MACROD2: variants seen among roughly 807,000 people sequenced by gnomAD.
The protein encoded by MACROD2 is ADP-ribose glycohydrolase MACROD2.
Under a neutral mutation model 70.4 loss-of-function variants are expected in MACROD2, and 36 were observed. The observed-to-expected ratio is 0.51, with a 90% CI of 0.39 to 0.68. The LOEUF (loss-of-function observed/expected upper bound fraction) is 0.68, where lower values mean the gene tolerates loss of function less well. MACROD2 is among the 30% of genes least tolerant of loss of function. The pLI is 0.00. For synonymous variants in MACROD2, 172 were observed against 178.8 expected (o/e 0.96, Z 0.30); for missense variants, 496 against 538.4 (o/e 0.92, Z 0.78).
intron 4 of MACROD2, among the ~76,000 whole-genome samples, chr20:14,534,537 A>G (rs918875017): frequency 6.6e-6 from 1 of 152,218 alleles, no homozygotes; most frequent in African/African-American, 2.4e-5. Flanking sequence ...AATCTCGTTG[A>G]TCAAGAGTGT....
At chr20:16,022,590 G>C (rs909620249) in intron 15 of MACROD2, among the ~76,000 whole-genome samples, 3 of 152,124 alleles carry the variant, frequency 2.0e-5, no homozygotes, top group African/African-American at 7.2e-5. Flanking sequence ...TGTACAGCTG[G>C]TAAGATGTCT....
chr20:15,347,535 A>G lies in MACROD2; in HGVS notation c.541-83870A>G, dbSNP rs149189990. Reference sequence around the variant, plus strand: ...CCACTTGTACTGAATGCTTGACTACACTTTCCCATGGTACACATCATCATT... The same window carrying G: ...CCACTTGTACTGAATGCTTGACTACGCTTTCCCATGGTACACATCATCATT... On this transcript the variant is annotated intron_variant, in intron 6 of 17. Coordinates refer to ENST00000684519, the MANE Select transcript of MACROD2 (RefSeq NM_001351661.2). Among the ~76,000 whole-genome samples, 788 of 152,230 alleles carry G rather than the reference A, an allele frequency of 5.2e-3. 2 individuals carry two copies. The highest frequency in any genetic ancestry group is 0.021 in the Middle Eastern group (6 of 292).
Position 15,789,912 on chromosome 20 carries a change from G to A in MACROD2, c.646-72833G>A, listed in dbSNP as rs530318072. The stretch of plus-strand genomic sequence containing the variant: ...TGATTCTACAGAAGAGATGAAACTC[G>A]TTGATGAATAACTATGAAAATTATA... On this transcript the variant is annotated intron_variant, in intron 8 of 17. Coordinates refer to ENST00000684519, the MANE Select transcript of MACROD2 (RefSeq NM_001351661.2). 4.9e-4 allele frequency among the ~76,000 whole-genome samples: 75 copies of A among 152,084 alleles called. 1 individual carries two copies. The highest frequency in any genetic ancestry group is 7.7e-4 in the East Asian group (4 of 5,184).
At chr20:15,451,839 G>A (rs998355481) in intron 7 of MACROD2, among the ~76,000 whole-genome samples, 3 of 152,116 alleles carry the variant, frequency 2.0e-5, no homozygotes, top group African/African-American at 4.8e-5. Context: ...GATCCAGTAA[G>A]GCCTTCCTTG....
chr20:14,196,222 C>CT (rs1229102057), intron 3 of MACROD2, among the ~76,000 whole-genome samples: 2 of 152,148 alleles, frequency 1.3e-5, no homozygotes, highest in African/African-American at 4.8e-5. Flanking sequence ...CTTCCTTGTA[C>CT]TTTAAGATTT....
intron 5 of MACROD2, among the ~76,000 whole-genome samples, chr20:14,777,858 A>G (rs2072253291): frequency 6.6e-6 from 1 of 152,134 alleles, no homozygotes; most frequent in African/African-American, 2.4e-5. Flanking sequence ...TTTAGCAATG[A>G]GGAGAAAAAT....
chr20:14,064,581 A>G (rs117860256), intron 2 of MACROD2, among the ~76,000 whole-genome samples: 37 of 152,230 alleles, frequency 2.4e-4, no homozygotes, highest in Non-Finnish European at 5.0e-4. Context: ...TTTATTAAAT[A>G]TGCCTCGAGT....
intron 5 of MACROD2, among the ~76,000 whole-genome samples, chr20:15,132,537 G>A (rs1390555341): frequency 6.6e-6 from 1 of 151,552 alleles, no homozygotes; most frequent in Non-Finnish European, 1.5e-5. Context: ...CTTTTATATA[G>A]CCCAAAAAGG....
intron 5 of MACROD2, among the ~76,000 whole-genome samples, chr20:14,834,706 C>T (rs1329114230): frequency 6.6e-6 from 1 of 151,958 alleles, no homozygotes; most frequent in Non-Finnish European, 1.5e-5. Context: ...GTTGAAATTA[C>T]TTTATTCTAT....
At chr20:15,807,200 C>T (rs946135707) in intron 8 of MACROD2, among the ~76,000 whole-genome samples, 5 of 152,232 alleles carry the variant, frequency 3.3e-5, no homozygotes, top group Non-Finnish European at 7.3e-5. Flanking sequence ...CCACCAATAA[C>T]CAAGCTCCAA....
At chr20:15,661,173 G>A (rs1452853205) in intron 8 of MACROD2, among the ~76,000 whole-genome samples, 1 of 152,100 alleles carries the variant, frequency 6.6e-6, no homozygotes, top group Non-Finnish European at 1.5e-5. Flanking sequence ...ACATTAGGGG[G>A]TAAGGCAACT....
chr20:15,938,378 C>G (rs2065698868), intron 12 of MACROD2, among the ~76,000 whole-genome samples: 1 of 152,164 alleles, frequency 6.6e-6, no homozygotes, highest in Non-Finnish European at 1.5e-5. Flanking sequence ...ACAGCATGTG[C>G]TCATTTCATG....
intron 8 of MACROD2, among the ~76,000 whole-genome samples, chr20:15,819,600 A>C (rs1458969612): frequency 6.6e-6 from 1 of 151,372 alleles, no homozygotes; most frequent in African/African-American, 2.4e-5. Context: ...AAATGGAAGG[A>C]GATCCTGCCA....
chr20:14,876,801 T>C (rs2073556095), intron 5 of MACROD2, among the ~76,000 whole-genome samples: 1 of 152,148 alleles, frequency 6.6e-6, no homozygotes, highest in African/African-American at 2.4e-5. Context: ...CTGGGTTGTC[T>C]GTTTTGTTTC....
intron 2 of MACROD2, among the ~76,000 whole-genome samples, chr20:14,073,581 C>T (rs1049383593): frequency 3.3e-5 from 5 of 152,082 alleles, no homozygotes; most frequent in Non-Finnish European, 5.9e-5. Context: ...ACATTATTAT[C>T]CATTTTCTGC....
intron 8 of MACROD2, among the ~76,000 whole-genome samples, chr20:15,546,476 G>A (rs1214748341): frequency 6.6e-6 from 1 of 152,174 alleles, no homozygotes; most frequent in East Asian, 1.9e-4. Flanking sequence ...TTGATTTCAA[G>A]ATATCTCAAT....
chr20:14,896,972 G>A (rs922059252), intron 5 of MACROD2, among the ~76,000 whole-genome samples: 4 of 152,108 alleles, frequency 2.6e-5, no homozygotes, highest in Non-Finnish European at 5.9e-5. Flanking sequence ...TTTAGCTTGA[G>A]TTTATATTAT....
At chr20:15,374,462 G>A (rs1057071284) in intron 6 of MACROD2, among the ~76,000 whole-genome samples, 1 of 151,788 alleles carries the variant, frequency 6.6e-6, no homozygotes, top group Non-Finnish European at 1.5e-5. Context: ...GCCCACTTTC[G>A]ACCACAATAA....
At chr20:16,036,112 G>A (rs773038705) in intron 15 of MACROD2, among the ~76,000 whole-genome samples, 5 of 151,926 alleles carry the variant, frequency 3.3e-5, no homozygotes, top group Non-Finnish European at 5.9e-5. Context: ...GTTTGCTTTC[G>A]GTTGATACCA....
Sources: allele counts gnomAD v4.1 joint callset (sites outside exome capture counted in the v4.1 genomes callset), GRCh38; gene constraint gnomAD v4.1.1; transcripts MANE v1.5; gene names NCBI Gene and HGNC (gene_info 2026-07-23, HGNC 2026-07-21).